TENM1: variants seen among roughly 807,000 people sequenced by gnomAD.
TENM1 encodes the protein teneurin-1.
Under a neutral mutation model 174.8 loss-of-function variants are expected in TENM1, and 35 were observed. That is an observed-to-expected ratio of 0.20 (90% CI 0.15 to 0.27). The LOEUF (loss-of-function observed/expected upper bound fraction) is 0.27, where lower values mean the gene tolerates loss of function less well. Among genes scored for constraint, TENM1 ranks in the 10% least tolerant of loss-of-function variants. TENM1 has a pLI of 1.00. For synonymous variants in TENM1, 781 were observed against 798.7 expected (o/e 0.98, Z 0.37); for missense variants, 1,633 against 2,130.1 (o/e 0.77, Z 4.59).
At chrX:124,972,957 T>C in the TENM1 span, among the ~76,000 whole-genome samples, 1 of 112,330 alleles carries the variant, frequency 8.9e-6, no homozygotes, top group East Asian at 2.8e-4. Context: ...GAGATTTATT[T>C]CTTACAGTTC....
chrX:125,133,681 A>G, the TENM1 span, among the ~76,000 whole-genome samples: 1 of 112,112 alleles, frequency 8.9e-6, no homozygotes, highest in South Asian at 3.7e-4. Context: ...CTATGTAGAA[A>G]TAGTATCTTT....
chrX:125,189,102 G>A, the TENM1 span, among the ~76,000 whole-genome samples: 1 of 112,127 alleles, frequency 8.9e-6, no homozygotes, highest in Admixed American at 9.4e-5. Context: ...ATAAACAGAA[G>A]ACTGGGGAAA....
intron 22 of TENM1, among the ~76,000 whole-genome samples, chrX:124,474,290 T>C (rs1359237579): frequency 3.6e-5 from 4 of 111,505 alleles, no homozygotes; most frequent in Non-Finnish European, 7.5e-5. Flanking sequence ...TAGGCACTAT[T>C]ACTAGTTTTC....
At chrX:124,384,457 A>G (rs1292164289) in exon 30 of TENM1, 14 of 1,208,713 alleles carry the variant, frequency 1.2e-5, no homozygotes, top group Non-Finnish European at 2.2e-6. Flanking sequence ...CATCGTATTC[A>G]TAGAAGTACC....
chrX:124,665,827 C>G (rs1465435249), intron 6 of TENM1, among the ~76,000 whole-genome samples: 1 of 112,057 alleles, frequency 8.9e-6, no homozygotes, highest in African/African-American at 3.2e-5. Context: ...CTCGCCATAT[C>G]TGGAGAAACT....
chrX:124,626,485 G>C (rs764777062), intron 11 of TENM1, among the ~76,000 whole-genome samples: 2 of 111,836 alleles, frequency 1.8e-5, no homozygotes, highest in Non-Finnish European at 3.8e-5. Flanking sequence ...CAGGTGGACT[G>C]CTGCTGAATG....
intron 20 of TENM1, among the ~76,000 whole-genome samples, 170 bp downstream of exon 23, chrX:124,496,846 G>A (rs1410320507): frequency 8.9e-6 from 1 of 111,960 alleles, no homozygotes; most frequent in Non-Finnish European, 1.9e-5. Flanking sequence ...AATCCTTCAA[G>A]TAGGAAGAGT....
intron 4 of TENM1, among the ~76,000 whole-genome samples, chrX:124,711,891 T>C (rs1389011325): frequency 3.6e-5 from 4 of 111,643 alleles, no homozygotes; most frequent in African/African-American, 1.3e-4. Flanking sequence ...ACCATTCTAT[T>C]TGTTTCTATG....
the TENM1 span, among the ~76,000 whole-genome samples, chrX:125,012,932 T>A: frequency 2.7e-3 from 297 of 112,060 alleles, 1 homozygote; most frequent in African/African-American, 9.2e-3. Flanking sequence ...TTGTCAACTA[T>A]CTGATTTACA....
chrX:124,686,764 T>C (rs1004357837), intron 5 of TENM1, among the ~76,000 whole-genome samples: 3 of 111,952 alleles, frequency 2.7e-5, no homozygotes, highest in Non-Finnish European at 3.8e-5. Context: ...ATTGATGGAA[T>C]ATACCTCAAA....
At chrX:124,860,898 C>T (rs1208689620) in intron 3 of TENM1, among the ~76,000 whole-genome samples, 3 of 111,350 alleles carry the variant, frequency 2.7e-5, no homozygotes, top group African/African-American at 9.8e-5. Flanking sequence ...TTAGCAGACT[C>T]GTGACTCTAG....
At chrX:125,175,545 C>T in the TENM1 span, among the ~76,000 whole-genome samples, 1 of 111,052 alleles carries the variant, frequency 9.0e-6, no homozygotes, top group Non-Finnish European at 1.9e-5. Flanking sequence ...GAGATGAAAG[C>T]AAAATGATAA....
intron 11 of TENM1, among the ~76,000 whole-genome samples, chrX:124,599,069 T>C (rs1180915518): frequency 9.0e-6 from 1 of 111,294 alleles, no homozygotes; most frequent in East Asian, 2.8e-4. Flanking sequence ...ACATAGTATA[T>C]ATAGGGTTCA....
At chrX:125,181,964 C>T in the TENM1 span, among the ~76,000 whole-genome samples, 2 of 111,883 alleles carry the variant, frequency 1.8e-5, no homozygotes, top group Non-Finnish European at 3.8e-5. Context: ...TACTAGTTTG[C>T]CATTGCTGTT....
At chrX:124,987,468 C>T in the TENM1 span, among the ~76,000 whole-genome samples, 1 of 111,346 alleles carries the variant, frequency 9.0e-6, no homozygotes, top group African/African-American at 3.3e-5. Context: ...TATGTCATCA[C>T]TTAAAGTGAA....
chrX:124,485,836 T>C (rs1603286007), intron 21 of TENM1, among the ~76,000 whole-genome samples: 1 of 111,596 alleles, frequency 9.0e-6, no homozygotes, highest in Non-Finnish European at 1.9e-5. Context: ...CAAAATACCA[T>C]CAGAATACTC....
chrX:124,904,217 AT>A (rs1340545653), intron 1 of TENM1, among the ~76,000 whole-genome samples: 1 of 111,701 alleles, frequency 9.0e-6, no homozygotes, highest in Non-Finnish European at 1.9e-5. Flanking sequence ...AAGCAATATT[AT>A]TTCTGTAACA....
the TENM1 span, among the ~76,000 whole-genome samples, chrX:125,004,999 T>TTCAC: frequency 4.9e-4 from 54 of 111,002 alleles, no homozygotes; most frequent in African/African-American, 1.7e-3. Flanking sequence ...GACTCATTAA[T>TTCAC]TCACTCACTC....
chrX:125,195,709 A>G, the TENM1 span, among the ~76,000 whole-genome samples: 1 of 111,571 alleles, frequency 9.0e-6, no homozygotes, highest in East Asian at 2.8e-4. Context: ...TACATCTATA[A>G]TAAATACCAA....
Sources: gnomAD v4.1 joint callset for allele counts (sites outside exome capture counted in the v4.1 genomes callset) on GRCh38, gnomAD v4.1.1 for gene constraint, MANE v1.5 for transcripts, NCBI Gene and HGNC (gene_info 2026-07-23, HGNC 2026-07-21) for gene names.